PDE6A: variants seen among roughly 807,000 people sequenced by gnomAD.
PDE6A encodes rod cGMP-specific 3',5'-cyclic phosphodiesterase subunit alpha.
PDE6A carries 84 observed loss-of-function variants against 106.3 expected under a neutral mutation model. The observed-to-expected ratio is 0.79, with a 90% CI of 0.66 to 0.95. The LOEUF is 0.95. Ranked by LOEUF, PDE6A falls within the 40% of genes least tolerant of loss-of-function variation. The pLI is 0.00. For synonymous variants in PDE6A, 394 were observed against 386.6 expected (o/e 1.02, Z -0.23); for missense variants, 1,052 against 1,084.9 (o/e 0.97, Z 0.43).
intron 1 of PDE6A, among the ~76,000 whole-genome samples, chr5:149,936,158 A>AAGGAAGGAAGGAAGGAAGGAAGGAAGG (rs1554092688): frequency 6.9e-5 from 9 of 130,636 alleles, no homozygotes; most frequent in African/African-American, 2.9e-4. Context: ...TGTCTCTAAA[A>AAGGAAGGAAGGAAGGAAGGAAGGAAGG]AAGGAAGGAA....
At chr5:149,941,153 A>G (rs1211330065) in intron 1 of PDE6A, among the ~76,000 whole-genome samples, 1 of 152,190 alleles carries the variant, frequency 6.6e-6, no homozygotes, top group East Asian at 1.9e-4. Context: ...CTTGATTGTG[A>G]GTCTTTTACA....
intron 17 of PDE6A, among the ~76,000 whole-genome samples, chr5:149,876,605 C>T (rs988590784): frequency 6.6e-6 from 1 of 152,040 alleles, no homozygotes; most frequent in African/African-American, 2.4e-5. Context: ...CCGGTTCAAG[C>T]GGTTCTTGTG....
chr5:149,930,947 G>T, intron 4 of PDE6A, 81 bp downstream of exon 4: 1 of 1,413,288 alleles, frequency 7.1e-7, no homozygotes, highest in South Asian at 1.2e-5. Context: ...CCGTGCAATT[G>T]AATGTGTGCC....
rs1432246245 is a variant in PDE6A at position 149,884,258 on chromosome 5, G to GTGCATATATA, written c.2027+220_2027+221insTATATATGCA. On this transcript the variant is annotated intron_variant, in intron 16 of 21. Coordinates refer to ENST00000255266, the MANE Select transcript of PDE6A (RefSeq NM_000440.3). ...TGTGTAGATATATGTGTATATATATGTGTATATATATGTATATATGTGTAT... is the reference window on the plus strand; with the variant it reads ...TGTGTAGATATATGTGTATATATATGTGCATATATATGTATATATATGTATATATGTGTAT... Among the ~76,000 whole-genome samples the GTGCATATATA allele has an allele frequency of 1.0e-4, 14 of 136,582 alleles. No homozygotes were observed. The Admixed American group carries it at 1.1e-3, about 10-fold the overall frequency. The allele number at this position is 136,582 out of a possible 152,430, so 89.6% of individuals were successfully genotyped here.
intron 8 of PDE6A, among the ~76,000 whole-genome samples, chr5:149,901,332 C>T (rs1752970996): frequency 1.3e-5 from 2 of 152,060 alleles, no homozygotes; most frequent in South Asian, 4.2e-4. Flanking sequence ...AGTTCAAGAC[C>T]ACCCTGACCA....
chr5:149,877,955 G>A (rs191925908), intron 17 of PDE6A, among the ~76,000 whole-genome samples: 155 of 152,276 alleles, frequency 1.0e-3, no homozygotes, highest in Non-Finnish European at 2.0e-3. Context: ...TCCTGGAGCC[G>A]ATCCCCTGAG....
chr5:149,884,386 ATGTGTATATATGTATATATATG>A (rs1761061526), intron 16 of PDE6A, 71 bp downstream of exon 16: 4 of 764,264 alleles, frequency 5.2e-6, no homozygotes, highest in East Asian at 5.4e-5. Flanking sequence ...GTGTATATAT[ATGTGTATATATGTATATATATG>A]TGTGTATATA....
At chr5:149,900,291 G>A (rs545415743) in intron 8 of PDE6A, among the ~76,000 whole-genome samples, 1 of 150,524 alleles carries the variant, frequency 6.6e-6, no homozygotes, top group South Asian at 2.1e-4. Flanking sequence ...GAACCCAGGA[G>A]GCAGAGGTTG....
At chr5:149,879,681 T>C (rs1318899599) in intron 17 of PDE6A, among the ~76,000 whole-genome samples, 7 of 149,086 alleles carry the variant, frequency 4.7e-5, no homozygotes, top group African/African-American at 1.5e-4. Context: ...TGGTGTTTGG[T>C]TTTTTGTTCT....
At chr5:149,903,892 C>T (rs1393912821) in intron 7 of PDE6A, among the ~76,000 whole-genome samples, 197 bp from the exon 8 acceptor site, 3 of 152,164 alleles carry the variant, frequency 2.0e-5, no homozygotes, top group East Asian at 3.8e-4. Context: ...ATAAACATTA[C>T]TTTTTATGAT....
chr5:149,938,553 C>T (rs1274447088), intron 1 of PDE6A, among the ~76,000 whole-genome samples: 3 of 152,162 alleles, frequency 2.0e-5, no homozygotes, highest in South Asian at 2.1e-4. Flanking sequence ...CAGGGACAGA[C>T]AGACAGACCT....
chr5:149,933,908 T>C (rs758465036), intron 3 of PDE6A, 22 bp downstream of exon 3: 1 of 1,578,582 alleles, frequency 6.3e-7, no homozygotes, highest in East Asian at 2.2e-5. Flanking sequence ...TCAAGTCCAT[T>C]CCCTTGGCCC....
Position 149,914,999 on chromosome 5 carries a change from G to A in PDE6A, c.942C>T (p.Asn314=). 1 of 1,343,432 alleles carries A rather than the reference G, an allele frequency of 7.4e-7. No homozygotes were observed. The highest frequency in any genetic ancestry group is 1.0e-6 in the Non-Finnish European group (1 of 956,532). 83.2% of individuals were successfully genotyped at this position (1,343,432 alleles called of 1,614,324 possible). Residue 314 remains asparagine (N), a synonymous_variant, in exon 6 of 22, where the codon AAC becomes AAT. Transcript: ENST00000255266. Reference sequence around the variant, plus strand: ...GGATGTAGTCAATGACCTTGTAAAAGTTAATTTCCTGGCAAAAGAGAGAAA... The same window carrying A: ...GGATGTAGTCAATGACCTTGTAAAAATTAATTTCCTGGCAAAAGAGAGAAA... The part of the protein sequence containing the change: ...GPRTPDGREI[N]FYKVIDYILH...
At chr5:149,868,689 T>C (rs1760425015) in intron 17 of PDE6A, among the ~76,000 whole-genome samples, 1 of 152,196 alleles carries the variant, frequency 6.6e-6, no homozygotes, top group Non-Finnish European at 1.5e-5. Flanking sequence ...ACGAGCCTTT[T>C]TAGATACTTT....
intron 4 of PDE6A, among the ~76,000 whole-genome samples, chr5:149,929,621 T>TAAAAAAATAAAA (rs1753970116): frequency 1.3e-5 from 2 of 150,716 alleles, no homozygotes; most frequent in Admixed American, 1.3e-4. Context: ...AATAAATAAA[T>TAAAAAAATAAAA]AAATAAATAA....
In PDE6A at chr5:149,899,298, T is replaced by C. The variant is rs1316029541; in HGVS notation, c.1263+77A>G. 8 of 1,463,562 alleles carry C rather than the reference T, an allele frequency of 5.5e-6. No homozygotes were observed. The East Asian group carries it at 6.8e-5, about 12-fold the overall frequency. 90.7% of individuals were successfully genotyped at this position (1,463,562 alleles called of 1,614,324 possible). On this transcript the variant is annotated intron_variant, in intron 9 of 21. Transcript: ENST00000255266. The stretch of plus-strand genomic sequence containing the variant: ...GCAACCAGGTTGCTGCCCCATGTGA[T>C]AGCGCAGTGACACCCAGCCTCCCCC...
At chr5:149,903,471 G>A (rs995108176) in intron 8 of PDE6A, among the ~76,000 whole-genome samples, 177 bp downstream of exon 8, 1 of 151,906 alleles carries the variant, frequency 6.6e-6, no homozygotes, top group Non-Finnish European at 1.5e-5. Flanking sequence ...ATAGGACCTT[G>A]GAAATTACCC....
Position 149,921,619 on chromosome 5 carries a change from G to A in PDE6A, c.933+16C>T, listed in dbSNP as rs1753723932. On this transcript the variant is annotated intron_variant, in intron 5 of 21. Coordinates refer to ENST00000255266, the MANE Select transcript of PDE6A (RefSeq NM_000440.3). ...GAATATATTAAATCATACTGAAAAG[G>A]TCAGAGAGAACGTACTCTTCCATCC... 1.3e-6 allele frequency: 2 copies of A among 1,598,258 alleles called. No individual in the cohort carries two copies. The highest frequency in any genetic ancestry group is 1.3e-5 in the African/African-American group (1 of 74,698).
At chr5:149,885,516 T>G (rs1322023918) in intron 14 of PDE6A, among the ~76,000 whole-genome samples, 1 of 152,212 alleles carries the variant, frequency 6.6e-6, no homozygotes, top group Non-Finnish European at 1.5e-5. Context: ...CAGGAGCTGT[T>G]TTGCTCATCA....
Sources: allele counts gnomAD v4.1 joint callset (sites outside exome capture counted in the v4.1 genomes callset), GRCh38; gene constraint gnomAD v4.1.1; transcripts MANE v1.5; gene names NCBI Gene and HGNC (gene_info 2026-07-23, HGNC 2026-07-21).